Variants in CACNA1D observed in about 807,000 individuals in gnomAD.
The protein encoded by CACNA1D is voltage-dependent L-type calcium channel subunit alpha-1D.
Under a neutral mutation model 257.1 loss-of-function variants are expected in CACNA1D, and 55 were observed. That is an observed-to-expected ratio of 0.21 (90% CI 0.17 to 0.27). CACNA1D has a LOEUF of 0.27. CACNA1D is among the 10% of genes least tolerant of loss of function. CACNA1D has a pLI of 1.00. For synonymous variants in CACNA1D, 980 were observed against 1,014.9 expected (o/e 0.97, Z 0.65); for missense variants, 1,876 against 2,784.0 (o/e 0.67, Z 7.34).
At chr3:53,709,412 A>G (rs535865901) in intron 9 of CACNA1D, among the ~76,000 whole-genome samples, 38 of 152,300 alleles carry the variant, frequency 2.5e-4, no homozygotes, top group African/African-American at 8.9e-4. Context: ...GCTAACTATC[A>G]TTAACCCCTG....
At position 53,635,807 on chromosome 3, in the gene CACNA1D, C is replaced by T. The variant is rs557788991; in HGVS notation, c.484-14972C>T. ...CTTGCAACCTGGTTCCACCCATTCT[C>T]CTCTCTTCTTCTCCAGATAGTCGTA... On this transcript the variant is annotated intron_variant, in intron 3 of 47. Transcript: ENST00000350061. 2.0e-5 allele frequency among the ~76,000 whole-genome samples: 3 copies of T among 152,326 alleles called. No individual in the cohort carries two copies. The East Asian group carries it at 5.8e-4, about 29-fold the overall frequency.
chr3:53,565,706 T>C (rs1318692934), intron 3 of CACNA1D, among the ~76,000 whole-genome samples: 3 of 152,216 alleles, frequency 2.0e-5, no homozygotes, highest in Non-Finnish European at 4.4e-5. Context: ...TATGATTGTA[T>C]AAGGTGAAAA....
At chr3:53,509,866 C>CT (rs2091034516) in intron 3 of CACNA1D, among the ~76,000 whole-genome samples, 1 of 152,178 alleles carries the variant, frequency 6.6e-6, no homozygotes, top group African/African-American at 2.4e-5. Flanking sequence ...CTCACAGATA[C>CT]TTTTTTACAG....
chr3:53,768,297 G>A (rs960096787), intron 30 of CACNA1D, among the ~76,000 whole-genome samples: 1 of 152,154 alleles, frequency 6.6e-6, no homozygotes, highest in Admixed American at 6.5e-5. Context: ...TAACTGTAGA[G>A]CCGTCTCTCT....
At chr3:53,639,547 C>T (rs2093925792) in intron 3 of CACNA1D, among the ~76,000 whole-genome samples, 1 of 152,034 alleles carries the variant, frequency 6.6e-6, no homozygotes, top group African/African-American at 2.4e-5. Context: ...CCACCATGCC[C>T]AGCTAATTTT....
chr3:53,624,985 G>A (rs1223152266), intron 3 of CACNA1D, among the ~76,000 whole-genome samples: 1 of 152,202 alleles, frequency 6.6e-6, no homozygotes, highest in Admixed American at 6.5e-5. Context: ...AGGGGATGAA[G>A]GGGGAAGAAC....
chr3:53,495,075 T>C lies in CACNA1D; in HGVS notation c.-92T>C, dbSNP rs1575665966. ...GAATAAGGGCAGGGACCGCGGCTCCTACCTCTTGGTGATCCCCTTCCCCAT... is the reference window on the plus strand; with the variant it reads ...GAATAAGGGCAGGGACCGCGGCTCCCACCTCTTGGTGATCCCCTTCCCCAT... On this transcript the variant is annotated 5_prime_UTR_variant, in exon 1 of 48. Coordinates refer to ENST00000350061, the MANE Select transcript of CACNA1D (RefSeq NM_001128840.3). The surrounding 1 kb of genome is among the most constrained non-coding windows in gnomAD (Gnocchi z 5.1). 2.6e-6 allele frequency: 2 copies of C among 771,910 alleles called. No homozygotes were observed. The allele number at this position is 771,910 out of a possible 1,614,324, so 47.8% of individuals were successfully genotyped here.
intron 3 of CACNA1D, among the ~76,000 whole-genome samples, chr3:53,545,341 T>A (rs2107546633): frequency 6.6e-6 from 1 of 152,334 alleles, no homozygotes; most frequent in African/African-American, 2.4e-5. Context: ...TGGCAGACAT[T>A]TAATGACTCT....
intron 8 of CACNA1D, among the ~76,000 whole-genome samples, chr3:53,696,421 A>T (rs1021841958): frequency 1.3e-5 from 2 of 152,186 alleles, no homozygotes; most frequent in Non-Finnish European, 2.9e-5. Context: ...CAGTGTCTAT[A>T]CAAGAGGGTG....
intron 8 of CACNA1D, among the ~76,000 whole-genome samples, chr3:53,688,897 A>G (rs2094495863): frequency 6.6e-6 from 1 of 152,176 alleles, no homozygotes; most frequent in African/African-American, 2.4e-5. Flanking sequence ...GTGAGAGTAC[A>G]CCACCTGCTG....
chr3:53,616,734 A>G (rs1277244859), intron 3 of CACNA1D, among the ~76,000 whole-genome samples: 1 of 152,164 alleles, frequency 6.6e-6, no homozygotes, highest in African/African-American at 2.4e-5. Flanking sequence ...GCCAGAGCCT[A>G]TAGGAAATGA....
intron 14 of CACNA1D, among the ~76,000 whole-genome samples, chr3:53,725,023 T>C (rs1395107105): frequency 6.9e-6 from 1 of 144,940 alleles, no homozygotes; most frequent in Non-Finnish European, 1.5e-5. Context: ...TTTTTGGTAA[T>C]GCATGCATAT....
chr3:53,808,786 G>A lies in CACNA1D; in HGVS notation c.5871+16G>A, dbSNP rs2095580719. The A allele has an allele frequency of 6.2e-7, 1 of 1,604,048 alleles. No individual in the cohort carries two copies. The highest frequency in any genetic ancestry group is 2.2e-5 in the East Asian group (1 of 44,866). On this transcript the variant is annotated intron_variant, in intron 46 of 47. Transcript: ENST00000350061. Reference sequence around the variant, plus strand: ...GCAGCAACAGGTGAGCGGCCCACCTGGCCTTGCCCCCACACCTAGGGGCAC... The same window carrying A: ...GCAGCAACAGGTGAGCGGCCCACCTAGCCTTGCCCCCACACCTAGGGGCAC...
At chr3:53,576,867 A>G (rs2093047565) in intron 3 of CACNA1D, among the ~76,000 whole-genome samples, 1 of 152,182 alleles carries the variant, frequency 6.6e-6, no homozygotes, top group Admixed American at 6.5e-5. Flanking sequence ...ATAAATGCCT[A>G]CATTGTTCAC....
intron 3 of CACNA1D, among the ~76,000 whole-genome samples, chr3:53,538,149 T>G (rs999166160): frequency 1.1e-5 from 1 of 93,660 alleles, no homozygotes; most frequent in Non-Finnish European, 2.7e-5. Flanking sequence ...AAGTTTTTTT[T>G]TTTTTTTTTT....
At chr3:53,693,888 A>T (rs1371539104) in intron 8 of CACNA1D, among the ~76,000 whole-genome samples, 1 of 152,070 alleles carries the variant, frequency 6.6e-6, no homozygotes, top group Non-Finnish European at 1.5e-5. Flanking sequence ...TTTAAATTTT[A>T]TGTGGGTCTA....
intron 8 of CACNA1D, among the ~76,000 whole-genome samples, chr3:53,683,634 A>G (rs2094450929): frequency 6.6e-6 from 1 of 152,206 alleles, no homozygotes. Flanking sequence ...ATAATCAAAG[A>G]CTTTGAAGTC....
intron 30 of CACNA1D, among the ~76,000 whole-genome samples, chr3:53,768,749 A>T (rs1356178804): frequency 6.6e-6 from 1 of 152,108 alleles, no homozygotes; most frequent in Non-Finnish European, 1.5e-5. Flanking sequence ...TTTTCTGTGA[A>T]CTTTGTAGAA....
intron 3 of CACNA1D, among the ~76,000 whole-genome samples, chr3:53,524,591 G>A (rs1241203204): frequency 1.3e-5 from 2 of 152,224 alleles, no homozygotes; most frequent in Non-Finnish European, 2.9e-5. Context: ...TGATGGAGCA[G>A]GGATGTGACA....
Sources: allele counts gnomAD v4.1 joint callset (sites outside exome capture counted in the v4.1 genomes callset), GRCh38; gene constraint gnomAD v4.1.1; non-coding constraint Gnocchi (gnomAD v3.1); transcripts MANE v1.5; gene names NCBI Gene and HGNC (gene_info 2026-07-23, HGNC 2026-07-21).